NKAIN3: variants seen among roughly 807,000 people sequenced by gnomAD.
NKAIN3 encodes the protein sodium/potassium transporting ATPase interacting 3, also known as sodium/potassium-transporting ATPase subunit beta-1-interacting protein 3.
NKAIN3 carries 25 observed loss-of-function variants against 30.2 expected under a neutral mutation model. The ratio of observed to expected loss-of-function variants is 0.83; its 90% CI spans 0.60 to 1.16. NKAIN3 has a LOEUF of 1.16. Among genes scored for constraint, NKAIN3 ranks in the 50% most tolerant of loss-of-function variants. The probability of loss-of-function intolerance (pLI) is 0.00; values close to 1 mark genes in which losing one functional copy is unlikely to be tolerated. For missense variants in NKAIN3, 225 were observed against 254.1 expected, an observed-to-expected ratio of 0.89 and a Z score of 0.78; for synonymous variants, 91 against 89.6, an observed-to-expected ratio of 1.02 and a Z score of -0.09.
intron 1 of NKAIN3, among the ~76,000 whole-genome samples, chr8:62,349,332 T>A (rs1449358515): frequency 6.6e-6 from 1 of 152,108 alleles, no homozygotes; most frequent in East Asian, 1.9e-4. Flanking sequence ...TCTGGCATGC[T>A]GAAATTAGAG....
chr8:62,802,983 G>C (rs1264950346), intron 4 of NKAIN3, among the ~76,000 whole-genome samples: 2 of 152,186 alleles, frequency 1.3e-5, no homozygotes, highest in African/African-American at 2.4e-5. Flanking sequence ...TGATAAAACA[G>C]ACTTTAAACC....
At chr8:62,733,772 T>C (rs1229424569) in intron 3 of NKAIN3, among the ~76,000 whole-genome samples, 1 of 152,214 alleles carries the variant, frequency 6.6e-6, no homozygotes, top group Non-Finnish European at 1.5e-5. Flanking sequence ...TTTCATGTTT[T>C]CTGAATATAT....
At chr8:62,482,882 A>G (rs1049475752) in intron 1 of NKAIN3, 8 of 152,124 alleles carry the variant, frequency 5.3e-5, no homozygotes, top group Admixed American at 2.0e-4. Flanking sequence ...TTGTTTTTGG[A>G]GAAGGGAGTC....
At chr8:62,556,992 T>G (rs1156267947) in intron 1 of NKAIN3, among the ~76,000 whole-genome samples, 1 of 152,056 alleles carries the variant, frequency 6.6e-6, no homozygotes, top group Non-Finnish European at 1.5e-5. Context: ...TTTGGTTACA[T>G]GAGTAAGTTC....
intron 4 of NKAIN3, among the ~76,000 whole-genome samples, chr8:62,811,120 T>C (rs1390508462): frequency 6.6e-6 from 1 of 152,164 alleles, no homozygotes; most frequent in African/African-American, 2.4e-5. Context: ...TGTTGTCATC[T>C]CAAGAATTTT....
intron 3 of NKAIN3, among the ~76,000 whole-genome samples, chr8:62,735,378 C>CT (rs200472150): frequency 1.4e-4 from 4 of 27,744 alleles, no homozygotes; most frequent in South Asian, 2.8e-3. Context: ...TTCTTTCTTT[C>CT]TTTTTTTTTT....
chr8:62,994,128 A>G (rs1192864314), intron 5 of NKAIN3, among the ~76,000 whole-genome samples: 3 of 152,344 alleles, frequency 2.0e-5, no homozygotes, highest in Middle Eastern at 3.4e-3. Flanking sequence ...GTTGTCCTGC[A>G]GATATACCCA....
At chr8:62,251,241 AT>A (rs958814515) in intron 1 of NKAIN3, among the ~76,000 whole-genome samples, 44 of 152,136 alleles carry the variant, frequency 2.9e-4, no homozygotes, top group Admixed American at 2.4e-3. Flanking sequence ...TGGTAGAAAT[AT>A]TGGGGTGATG....
At chr8:62,672,621 G>T (rs4737607) in intron 3 of NKAIN3, among the ~76,000 whole-genome samples, 40 of 152,150 alleles carry the variant, frequency 2.6e-4, no homozygotes, top group Non-Finnish European at 4.1e-4. Flanking sequence ...GATGTGAGTG[G>T]ATGAGTCCTT....
At chr8:62,962,191 G>T (rs1159133299) in intron 6 of NKAIN3, among the ~76,000 whole-genome samples, 2 of 151,982 alleles carry the variant, frequency 1.3e-5, no homozygotes. Context: ...GGTAGAAATA[G>T]AAAGAAAAAA....
chr8:62,657,739 G>A (rs1445545849), intron 3 of NKAIN3, among the ~76,000 whole-genome samples: 1 of 152,142 alleles, frequency 6.6e-6, no homozygotes, highest in Non-Finnish European at 1.5e-5. Context: ...AACATGCCAT[G>A]GAGAAGGTAT....
intron 3 of NKAIN3, among the ~76,000 whole-genome samples, chr8:62,610,281 G>T (rs1811248840): frequency 6.6e-6 from 1 of 151,294 alleles, no homozygotes; most frequent in Non-Finnish European, 1.5e-5. Flanking sequence ...GGAGGCAGAA[G>T]TTGCAGTGAG....
intron 5 of NKAIN3, among the ~76,000 whole-genome samples, chr8:62,992,151 T>C (rs1300450463): frequency 1.3e-5 from 2 of 151,940 alleles, no homozygotes; most frequent in Non-Finnish European, 2.9e-5. Context: ...GTAGCTGGGA[T>C]TACAGGCATG....
chr8:62,715,221 C>T (rs1814856290), intron 3 of NKAIN3, among the ~76,000 whole-genome samples: 1 of 152,154 alleles, frequency 6.6e-6, no homozygotes, highest in Admixed American at 6.5e-5. Flanking sequence ...CCTCCTCCAA[C>T]ATTGGAGATT....
intron 1 of NKAIN3, among the ~76,000 whole-genome samples, chr8:62,381,403 G>T (rs748728458): frequency 6.6e-6 from 1 of 152,042 alleles, no homozygotes; most frequent in Non-Finnish European, 1.5e-5. Flanking sequence ...ATAAAGGGAT[G>T]CCCTTTACTA....
intron 3 of NKAIN3, among the ~76,000 whole-genome samples, chr8:62,624,958 A>G (rs888475861): frequency 1.3e-5 from 2 of 152,062 alleles, no homozygotes; most frequent in Non-Finnish European, 2.9e-5. Context: ...TTTAAAACCT[A>G]GAATTTCCAT....
At chr8:62,391,919 G>T (rs1220817427) in intron 1 of NKAIN3, among the ~76,000 whole-genome samples, 2 of 151,812 alleles carry the variant, frequency 1.3e-5, no homozygotes, top group African/African-American at 4.8e-5. Flanking sequence ...AAATAATATT[G>T]GTACCTGGCT....
chr8:62,568,943 G>A (rs1809838731), intron 1 of NKAIN3, among the ~76,000 whole-genome samples: 1 of 152,174 alleles, frequency 6.6e-6, no homozygotes, highest in South Asian at 2.1e-4. Flanking sequence ...CTCTTCCACT[G>A]AGCATGTGCA....
chr8:62,713,669 A>G (rs960042615), intron 3 of NKAIN3, among the ~76,000 whole-genome samples: 1 of 152,204 alleles, frequency 6.6e-6, no homozygotes, highest in Non-Finnish European at 1.5e-5. Context: ...AAATTTTTAT[A>G]TATTGAGACT....
Sources: allele counts gnomAD v4.1 joint callset (sites outside exome capture counted in the v4.1 genomes callset), GRCh38; gene constraint gnomAD v4.1.1; transcripts MANE v1.5; gene names NCBI Gene and HGNC (gene_info 2026-07-23, HGNC 2026-07-21).